Variants in REC114 observed in about 807,000 individuals in gnomAD.
REC114 encodes REC114 meiotic recombination protein.
In REC114, 27 loss-of-function variants were observed where a neutral mutation model predicts 31.3. That is an observed-to-expected ratio of 0.86 (90% CI 0.64 to 1.19). The LOEUF (loss-of-function observed/expected upper bound fraction) is 1.19. Among genes scored for constraint, REC114 ranks in the 50% most tolerant of loss-of-function variants. REC114 has a pLI of 0.00. For synonymous variants in REC114, 134 were observed against 127.7 expected (o/e 1.05, Z -0.33); for missense variants, 344 against 326.9 (o/e 1.05, Z -0.40).
At chr15:73,478,195 C>T (rs1893240720) in intron 2 of REC114, among the ~76,000 whole-genome samples, 1 of 134,994 alleles carries the variant, frequency 7.4e-6, no homozygotes, top group Admixed American at 8.8e-5. Flanking sequence ...ACCCAGGAGA[C>T]AGAGGTTGCA....
chr15:73,507,894 C>T (rs963446264), intron 2 of REC114, among the ~76,000 whole-genome samples: 2 of 151,706 alleles, frequency 1.3e-5, no homozygotes, highest in African/African-American at 4.9e-5. Context: ...GAAGCTTGGA[C>T]ATAACCTTCT....
At chr15:73,501,588 G>A (rs886156304) in intron 2 of REC114, among the ~76,000 whole-genome samples, 2 of 152,108 alleles carry the variant, frequency 1.3e-5, no homozygotes, top group African/African-American at 4.8e-5. Flanking sequence ...GGAATAACAG[G>A]TATGTGCCAC....
chr15:73,496,943 T>TA lies in REC114; in HGVS notation c.249+23024dup, dbSNP rs1290304884. 4.0e-5 allele frequency among the ~76,000 whole-genome samples: 6 copies of TA among 150,998 alleles called. No homozygotes were observed. In the East Asian group the frequency reaches 7.9e-4, roughly 20 times the overall value. On this transcript the variant is annotated intron_variant, in intron 2 of 5. Coordinates refer to ENST00000331090, the MANE Select transcript of REC114 (RefSeq NM_001042367.2). ...CTCAGTCTTTATTTTTTTTTTTTTTTAATAACTTTGACACTTTTGAAGAGT... is the reference window on the plus strand; with the variant it reads ...CTCAGTCTTTATTTTTTTTTTTTTTTAAATAACTTTGACACTTTTGAAGAGT...
At chr15:73,499,856 C>T (rs757012809) in intron 2 of REC114, among the ~76,000 whole-genome samples, 24 of 152,158 alleles carry the variant, frequency 1.6e-4, no homozygotes, top group Non-Finnish European at 2.8e-4. Context: ...CTCTGCTTGG[C>T]GTGTTATTGT....
At chr15:73,510,224 T>C (rs1183008373) in intron 2 of REC114, among the ~76,000 whole-genome samples, 3 of 152,050 alleles carry the variant, frequency 2.0e-5, no homozygotes, top group African/African-American at 2.4e-5. Context: ...GGAGTTCACT[T>C]ATGATTTAGC....
At chr15:73,469,845 C>T (rs942533229) in intron 1 of REC114, among the ~76,000 whole-genome samples, 10 of 151,948 alleles carry the variant, frequency 6.6e-5, no homozygotes, top group East Asian at 1.9e-4. Flanking sequence ...CCACCATGCC[C>T]GGCTAATTTT....
At chr15:73,506,524 T>C (rs546653874) in intron 2 of REC114, among the ~76,000 whole-genome samples, 12 of 152,316 alleles carry the variant, frequency 7.9e-5, no homozygotes, top group African/African-American at 2.6e-4. Context: ...AAGTGCTATA[T>C]ATAATAATTC....
At chr15:73,470,578 A>G (rs1177983692) in intron 1 of REC114, among the ~76,000 whole-genome samples, 1 of 152,182 alleles carries the variant, frequency 6.6e-6, no homozygotes, top group Non-Finnish European at 1.5e-5. Context: ...GCCAGGTACT[A>G]TCCTAGGCAT....
chr15:73,514,387 C>T (rs997901101), intron 2 of REC114, among the ~76,000 whole-genome samples: 15 of 151,938 alleles, frequency 9.9e-5, no homozygotes, highest in Non-Finnish European at 1.3e-4. Context: ...GATGGAAATG[C>T]AGAAATCACC....
chr15:73,446,971 A>C (rs1484472673), intron 1 of REC114, among the ~76,000 whole-genome samples: 4 of 152,200 alleles, frequency 2.6e-5, no homozygotes, highest in African/African-American at 9.7e-5. Context: ...GCAAGAGATG[A>C]TGATGGCTTA....
intron 1 of REC114, among the ~76,000 whole-genome samples, chr15:73,449,665 G>A (rs557558929): frequency 3.9e-5 from 6 of 152,228 alleles, no homozygotes; most frequent in African/African-American, 1.2e-4. Context: ...GATACTCCTC[G>A]AGAAGGGCAA....
intron 2 of REC114, among the ~76,000 whole-genome samples, chr15:73,476,244 CTT>C (rs1372318925): frequency 6.6e-6 from 1 of 152,038 alleles, no homozygotes; most frequent in African/African-American, 2.4e-5. Flanking sequence ...TTAAAAATCA[CTT>C]TTATTGAGGT....
intron 3 of REC114, among the ~76,000 whole-genome samples, chr15:73,542,113 C>G (rs1894245855): frequency 6.6e-6 from 1 of 151,770 alleles, no homozygotes; most frequent in South Asian, 2.1e-4. Flanking sequence ...GGTGGATCAC[C>G]TGAAATCAGG....
At chr15:73,504,370 A>T (rs1407858256) in intron 2 of REC114, among the ~76,000 whole-genome samples, 1 of 152,076 alleles carries the variant, frequency 6.6e-6, no homozygotes, top group Non-Finnish European at 1.5e-5. Context: ...CTTTTTGTAT[A>T]GGAATTCAAT....
At chr15:73,469,554 C>A (rs1260838761) in intron 1 of REC114, among the ~76,000 whole-genome samples, 1 of 152,170 alleles carries the variant, frequency 6.6e-6, no homozygotes, top group South Asian at 2.1e-4. Context: ...TTCAGCCTCC[C>A]AAGCAGCTGG....
intron 2 of REC114, among the ~76,000 whole-genome samples, chr15:73,530,968 C>T (rs1894072605): frequency 6.6e-6 from 1 of 152,162 alleles, no homozygotes; most frequent in South Asian, 2.1e-4. Context: ...ACTTTTGTAA[C>T]CTGATTCTCC....
chr15:73,542,838 T>G (rs979102469), intron 3 of REC114, among the ~76,000 whole-genome samples: 3 of 152,198 alleles, frequency 2.0e-5, no homozygotes, highest in African/African-American at 7.2e-5. Flanking sequence ...ATTGTTTGGA[T>G]GCACTAGGGT....
chr15:73,469,861 T>G (rs1393509098), intron 1 of REC114, among the ~76,000 whole-genome samples: 1 of 151,946 alleles, frequency 6.6e-6, no homozygotes, highest in East Asian at 1.9e-4. Flanking sequence ...ATTTTTTGTA[T>G]TTTTAGTAGA....
intron 1 of REC114, among the ~76,000 whole-genome samples, chr15:73,463,455 G>A (rs1274444383): frequency 6.6e-6 from 1 of 152,136 alleles, no homozygotes; most frequent in Non-Finnish European, 1.5e-5. Context: ...ATCTATTAGA[G>A]GTTACCCGGT....
Sources: allele counts gnomAD v4.1 joint callset (sites outside exome capture counted in the v4.1 genomes callset), GRCh38; gene constraint gnomAD v4.1.1; transcripts MANE v1.5; gene names NCBI Gene and HGNC (gene_info 2026-07-23, HGNC 2026-07-21).